The following NAALADL2 variants were observed in gnomAD, a reference collection of about 807,000 sequenced individuals.
NAALADL2 encodes the protein N-acetylated alpha-linked acidic dipeptidase like 2.
NAALADL2 carries 76 observed loss-of-function variants against 87.2 expected under a neutral mutation model. The ratio of observed to expected loss-of-function variants is 0.87; its 90% CI spans 0.72 to 1.05. NAALADL2 has a LOEUF of 1.05. Ranked by LOEUF, NAALADL2 falls within the 50% of genes least tolerant of loss-of-function variation. NAALADL2 has a pLI of 0.00. For missense variants in NAALADL2, 1,089 were observed against 945.8 expected (o/e 1.15, Z -1.99); for synonymous variants, 354 against 331.0 (o/e 1.07, Z -0.75).
chr3:174,460,970 G>A (rs1399554467), intron 1 of NAALADL2, among the ~76,000 whole-genome samples: 7 of 151,850 alleles, frequency 4.6e-5, no homozygotes, highest in East Asian at 1.9e-4. Context: ...CCCTTGTTCC[G>A]TACTACTAGT....
chr3:175,295,410 T>C (rs1326148725), intron 4 of NAALADL2, among the ~76,000 whole-genome samples: 1 of 152,138 alleles, frequency 6.6e-6, no homozygotes, highest in Non-Finnish European at 1.5e-5. Flanking sequence ...TCTGTGTTTT[T>C]TTCCTCACTG....
At chr3:174,929,011 T>G (rs1736485343) in intron 1 of NAALADL2, among the ~76,000 whole-genome samples, 1 of 152,204 alleles carries the variant, frequency 6.6e-6, no homozygotes, top group African/African-American at 2.4e-5. Context: ...ATTAGATATT[T>G]AATTTTGATT....
chr3:174,727,912 T>C (rs1303403538), intron 2 of NAALADL2, among the ~76,000 whole-genome samples: 1 of 152,144 alleles, frequency 6.6e-6, no homozygotes, highest in Non-Finnish European at 1.5e-5. Flanking sequence ...TGAGCAATAA[T>C]CTTTTCACTG....
intron 9 of NAALADL2, among the ~76,000 whole-genome samples, chr3:175,521,838 T>A (rs1294968495): frequency 2.6e-5 from 4 of 152,178 alleles, no homozygotes; most frequent in Admixed American, 2.6e-4. Context: ...AGACAATGAA[T>A]GTCAGTTGTT....
At position 174,903,720 on chromosome 3, in the gene NAALADL2, T is replaced by G. The variant is rs539713540; in HGVS notation, c.43+44270T>G. 1.7e-3 allele frequency among the ~76,000 whole-genome samples: 262 copies of G among 152,094 alleles called. 3 individuals carry two copies. The highest frequency in any genetic ancestry group is 6.2e-3 in the African/African-American group (256 of 41,524). ...ATCATGGGTATTATTCCAAAATCAC[T>G]ACTAGCTGGAAGGATGCAGTGTTCC... On this transcript the variant is annotated intron_variant, in intron 1 of 13. Transcript: ENST00000454872.
intron 12 of NAALADL2, 103 bp from the exon 13 acceptor site, chr3:175,755,117 T>A: frequency 3.3e-6 from 3 of 902,522 alleles, no homozygotes; most frequent in Non-Finnish European, 5.1e-6. Context: ...TCTTCCTTCT[T>A]CAGTGGTCTG....
chr3:175,091,314 C>T (rs1315280157), intron 1 of NAALADL2, among the ~76,000 whole-genome samples: 1 of 152,006 alleles, frequency 6.6e-6, no homozygotes, highest in Non-Finnish European at 1.5e-5. Context: ...TAAGAAATGC[C>T]TTTGCCTCAA....
intron 3 of NAALADL2, among the ~76,000 whole-genome samples, chr3:174,834,096 A>C (rs1014601704): frequency 6.7e-6 from 1 of 149,284 alleles, no homozygotes; most frequent in African/African-American, 2.5e-5. Context: ...TTTGAAAAGA[A>C]GCAAACTGTG....
chr3:174,842,367 A>G (rs968296911), intron 3 of NAALADL2, among the ~76,000 whole-genome samples: 4 of 152,094 alleles, frequency 2.6e-5, no homozygotes, highest in African/African-American at 9.7e-5. Context: ...AAACTTTTTA[A>G]TGTTTTGCTT....
intron 2 of NAALADL2, among the ~76,000 whole-genome samples, chr3:174,592,320 T>C (rs1259638073): frequency 6.6e-6 from 1 of 152,106 alleles, no homozygotes; most frequent in African/African-American, 2.4e-5. Flanking sequence ...CATATGTATC[T>C]AAACATGTGT....
chr3:174,707,741 A>T (rs147767596), intron 2 of NAALADL2, among the ~76,000 whole-genome samples: 6 of 152,150 alleles, frequency 3.9e-5, no homozygotes, highest in African/African-American at 1.2e-4. Context: ...ATATGTATAC[A>T]TATGTAAAAA....
intron 13 of NAALADL2, among the ~76,000 whole-genome samples, chr3:175,793,570 C>T (rs1182937129): frequency 6.6e-6 from 1 of 152,022 alleles, no homozygotes; most frequent in African/African-American, 2.4e-5. Flanking sequence ...CGACCTCGGC[C>T]TCCTGAAGTG....
At position 175,069,010 on chromosome 3, in the gene NAALADL2, T is replaced by A. The variant is rs146074082; in HGVS notation, c.44-27780T>A. 2.2e-4 allele frequency among the ~76,000 whole-genome samples: 34 copies of A among 152,136 alleles called. No individual in the cohort carries two copies. The East Asian group carries it at 6.0e-3, about 27-fold the overall frequency. The stretch of plus-strand genomic sequence containing the variant: ...AAACTGTATTTTAACAAAAATTAAT[T>A]CAAGATGGATTAAAGACTTAAACGT... On this transcript the variant is annotated intron_variant, in intron 1 of 13. Transcript: ENST00000454872.
chr3:175,673,774 A>C (rs1449720562), intron 11 of NAALADL2, among the ~76,000 whole-genome samples: 1 of 152,098 alleles, frequency 6.6e-6, no homozygotes, highest in Non-Finnish European at 1.5e-5. Flanking sequence ...ACCCAAAGGA[A>C]TATAAAGACT....
At chr3:175,524,088 C>T (rs1195343468) in intron 9 of NAALADL2, among the ~76,000 whole-genome samples, 1 of 152,176 alleles carries the variant, frequency 6.6e-6, no homozygotes, top group Non-Finnish European at 1.5e-5. Context: ...GTGAATGGTG[C>T]ATCCCACACA....
At chr3:175,071,949 G>A (rs529403873) in intron 1 of NAALADL2, among the ~76,000 whole-genome samples, 5 of 152,006 alleles carry the variant, frequency 3.3e-5, no homozygotes, top group East Asian at 1.9e-4. Context: ...TATATGATGT[G>A]GCAGTCATAT....
rs577605099 is a variant in NAALADL2, at chr3:174,450,329, G to C, written c.-184+9297G>C. ...TCCTCACTGACCAACTAAAATTAGG[G>C]GTTTATATAGCAGAGAAGAAATGTA... On this transcript the variant is annotated intron_variant, in intron 1 of 3. Coordinates refer to the NAALADL2 transcript ENST00000434257. Among the ~76,000 whole-genome samples, 4 of 152,226 alleles carry C rather than the reference G, an allele frequency of 2.6e-5. No homozygotes were observed. In the East Asian group the frequency reaches 5.8e-4, roughly 22 times the overall value.
chr3:174,578,783 T>A (rs1715832489), intron 2 of NAALADL2, among the ~76,000 whole-genome samples: 2 of 151,886 alleles, frequency 1.3e-5, no homozygotes, highest in South Asian at 4.1e-4. Flanking sequence ...ATAATTTGGG[T>A]ATACTCAGGA....
At chr3:174,830,409 G>T (rs1267883529) in intron 3 of NAALADL2, among the ~76,000 whole-genome samples, 1 of 152,148 alleles carries the variant, frequency 6.6e-6, no homozygotes, top group African/African-American at 2.4e-5. Flanking sequence ...GTTTGTCAAA[G>T]ATCAGATAGT....
Sources: allele counts gnomAD v4.1 joint callset (sites outside exome capture counted in the v4.1 genomes callset), GRCh38; gene constraint gnomAD v4.1.1; transcripts MANE v1.5; gene names NCBI Gene and HGNC (gene_info 2026-07-23, HGNC 2026-07-21).